Variants in LRMDA observed in about 807,000 individuals in gnomAD.
LRMDA encodes leucine rich melanocyte differentiation associated, also known as leucine-rich melanocyte differentiation-associated protein.
LRMDA carries 18 observed loss-of-function variants against 29.8 expected under a neutral mutation model. That is an observed-to-expected ratio of 0.60 (90% CI 0.42 to 0.90). The LOEUF (loss-of-function observed/expected upper bound fraction) is 0.90, where lower values mean the gene tolerates loss of function less well. Among genes scored for constraint, LRMDA ranks in the 40% least tolerant of loss-of-function variants. The pLI is 0.00. For synonymous variants in LRMDA, 125 were observed against 109.4 expected, an observed-to-expected ratio of 1.14 and a Z score of -0.89; for missense variants, 273 against 273.9, an observed-to-expected ratio of 1.00 and a Z score of 0.02.
intron 2 of LRMDA, among the ~76,000 whole-genome samples, chr10:75,475,283 TG>T (rs1844776064): frequency 6.6e-6 from 1 of 152,138 alleles, no homozygotes; most frequent in Non-Finnish European, 1.5e-5. Context: ...TGAGGCCTCT[TG>T]GGAGGCTGTC....
intron 4 of LRMDA, among the ~76,000 whole-genome samples, chr10:76,049,671 G>A (rs1232882074): frequency 6.6e-6 from 1 of 152,196 alleles, no homozygotes; most frequent in Non-Finnish European, 1.5e-5. Flanking sequence ...TTGCCACTGA[G>A]AAATTTTAGG....
intron 5 of LRMDA, among the ~76,000 whole-genome samples, chr10:76,149,225 C>A (rs1026399652): frequency 4.6e-5 from 7 of 152,276 alleles, no homozygotes; most frequent in Admixed American, 2.6e-4. Context: ...AGCTATAAAA[C>A]ACAAATTAAA....
chr10:75,599,294 T>C (rs1267794850), intron 2 of LRMDA, among the ~76,000 whole-genome samples: 1 of 152,080 alleles, frequency 6.6e-6, no homozygotes, highest in Non-Finnish European at 1.5e-5. Context: ...AGGGAAATGA[T>C]TTGAAAAATG....
At chr10:76,428,405 T>C (rs1842153111) in intron 6 of LRMDA, among the ~76,000 whole-genome samples, 1 of 152,100 alleles carries the variant, frequency 6.6e-6, no homozygotes, top group East Asian at 1.9e-4. Flanking sequence ...GACATGGCTT[T>C]AACTTCATGA....
intron 2 of LRMDA, among the ~76,000 whole-genome samples, chr10:75,755,130 C>A (rs746029688): frequency 6.6e-6 from 1 of 151,744 alleles, no homozygotes; most frequent in Admixed American, 6.6e-5. Flanking sequence ...AAAATAACTT[C>A]TTCTCCTTCC....
chr10:76,129,622 C>T (rs1464266258), intron 5 of LRMDA, among the ~76,000 whole-genome samples: 4 of 152,144 alleles, frequency 2.6e-5, no homozygotes, highest in Admixed American at 2.6e-4. Context: ...CCCTCAGGTC[C>T]TTTTGCTAAA....
chr10:75,909,985 A>G (rs952438814), intron 2 of LRMDA, among the ~76,000 whole-genome samples: 8 of 152,182 alleles, frequency 5.3e-5, no homozygotes, highest in African/African-American at 9.6e-5. Context: ...TTTTGCTTCT[A>G]TGCACCACTC....
chr10:76,135,124 A>G (rs1850069804), intron 5 of LRMDA, among the ~76,000 whole-genome samples: 1 of 152,246 alleles, frequency 6.6e-6, no homozygotes, highest in Non-Finnish European at 1.5e-5. Flanking sequence ...ATGTTTTTAT[A>G]AAAATTTCAT....
At chr10:75,824,117 A>C (rs1008144415) in intron 2 of LRMDA, among the ~76,000 whole-genome samples, 5 of 152,144 alleles carry the variant, frequency 3.3e-5, no homozygotes, top group Non-Finnish European at 7.3e-5. Flanking sequence ...ACACAACTGC[A>C]TTTGTGTCCC....
At chr10:76,252,870 A>G (rs538911793) in intron 5 of LRMDA, among the ~76,000 whole-genome samples, 12 of 152,322 alleles carry the variant, frequency 7.9e-5, no homozygotes, top group African/African-American at 2.6e-4. Context: ...CTTCCTCTAC[A>G]GTTGTTGAGC....
intron 2 of LRMDA, among the ~76,000 whole-genome samples, chr10:75,766,773 T>C (rs1348372041): frequency 6.6e-6 from 1 of 152,122 alleles, no homozygotes; most frequent in Non-Finnish European, 1.5e-5. Context: ...TAGGTATTTG[T>C]CCTAATGCCC....
chr10:76,529,090 C>A (rs766511100), intron 6 of LRMDA, among the ~76,000 whole-genome samples: 4 of 152,110 alleles, frequency 2.6e-5, no homozygotes, highest in Non-Finnish European at 5.9e-5. Flanking sequence ...GCCTCCAGAA[C>A]CTTCTGAATA....
chr10:75,857,032 C>G (rs1311325392), intron 2 of LRMDA, among the ~76,000 whole-genome samples: 1 of 152,122 alleles, frequency 6.6e-6, no homozygotes, highest in Non-Finnish European at 1.5e-5. Context: ...TTCTTATACA[C>G]CAATAACAGA....
intron 2 of LRMDA, among the ~76,000 whole-genome samples, chr10:75,818,222 G>A (rs560726837): frequency 4.6e-5 from 7 of 152,328 alleles, no homozygotes; most frequent in South Asian, 4.1e-4. Context: ...GGCTTTGCTA[G>A]TAATGAGGGG....
At chr10:76,254,773 G>C (rs1317092494) in intron 5 of LRMDA, among the ~76,000 whole-genome samples, 1 of 151,918 alleles carries the variant, frequency 6.6e-6, no homozygotes, top group Non-Finnish European at 1.5e-5. Flanking sequence ...CTCTTCCACT[G>C]TCACATTCTG....
chr10:76,127,304 A>C (rs190285269), intron 5 of LRMDA, among the ~76,000 whole-genome samples: 1 of 152,340 alleles, frequency 6.6e-6, no homozygotes, highest in East Asian at 1.9e-4. Context: ...ATGCACACAC[A>C]CATTCATAGT....
chr10:76,522,686 C>T (rs368424943), intron 6 of LRMDA, among the ~76,000 whole-genome samples: 8 of 152,274 alleles, frequency 5.3e-5, no homozygotes, highest in Admixed American at 2.6e-4. Context: ...GTCACATCCA[C>T]AAGCCGAATA....
At chr10:75,842,374 A>G (rs1844556014) in intron 2 of LRMDA, among the ~76,000 whole-genome samples, 1 of 152,186 alleles carries the variant, frequency 6.6e-6, no homozygotes, top group Non-Finnish European at 1.5e-5. Flanking sequence ...TAGTTTCTCC[A>G]TAGTACCCTT....
chr10:76,221,725 A>G (rs1403108339), intron 5 of LRMDA, among the ~76,000 whole-genome samples: 2 of 152,226 alleles, frequency 1.3e-5, no homozygotes, highest in African/African-American at 4.8e-5. Context: ...TGCCATCCCC[A>G]TCAAGCTACC....
Sources: allele counts gnomAD v4.1 joint callset (sites outside exome capture counted in the v4.1 genomes callset), GRCh38; gene constraint gnomAD v4.1.1; transcripts MANE v1.5; gene names NCBI Gene and HGNC (gene_info 2026-07-23, HGNC 2026-07-21).